The following LRP1B variants were observed in gnomAD, a reference collection of about 807,000 sequenced individuals.
LRP1B encodes LDL receptor related protein 1B.
Under a neutral mutation model 556.6 loss-of-function variants are expected in LRP1B, and 217 were observed. That is an observed-to-expected ratio of 0.39 (90% confidence interval 0.35 to 0.44). The LOEUF is 0.44. Ranked by LOEUF, LRP1B falls within the 20% of genes least tolerant of loss-of-function variation. The pLI, the probability that LRP1B is intolerant of heterozygous loss-of-function variation, is 1.00. For synonymous variants in LRP1B, 2,047 were observed against 1,865.8 expected (o/e 1.10, Z -2.50); for missense variants, 5,053 against 5,620.8 (o/e 0.90, Z 3.23).
At chr2:140,577,367 C>T (rs1681567564) in intron 43 of LRP1B, among the ~76,000 whole-genome samples, 1 of 151,924 alleles carries the variant, frequency 6.6e-6, no homozygotes. Context: ...CCTGTAGTCC[C>T]AGCTACTCGG....
chr2:141,817,618 A>T (rs1696604376), intron 1 of LRP1B, among the ~76,000 whole-genome samples: 1 of 152,098 alleles, frequency 6.6e-6, no homozygotes, highest in Admixed American at 6.5e-5. Context: ...GCTAATTTTG[A>T]TCTTTTCAGA....
chr2:141,084,315 C>T (rs372560815), intron 7 of LRP1B, among the ~76,000 whole-genome samples: 82 of 152,208 alleles, frequency 5.4e-4, no homozygotes, highest in African/African-American at 1.9e-3. Flanking sequence ...AGAAGTTTCA[C>T]CCAGTGTGCG....
At chr2:140,636,307 T>C (rs143906227) in intron 41 of LRP1B, among the ~76,000 whole-genome samples, 2,720 of 152,236 alleles carry the variant, frequency 0.018, 46 homozygotes, top group Admixed American at 0.047. Flanking sequence ...GCATGCATTA[T>C]ACAATTAATT....
At chr2:140,522,023 C>T (rs890642999) in intron 49 of LRP1B, among the ~76,000 whole-genome samples, 8 of 151,960 alleles carry the variant, frequency 5.3e-5, no homozygotes, top group African/African-American at 9.7e-5. Context: ...TGACATCATT[C>T]GGTCAATGAG....
At chr2:140,398,515 C>T (rs200402279) in intron 66 of LRP1B, among the ~76,000 whole-genome samples, 5 of 98,256 alleles carry the variant, frequency 5.1e-5, no homozygotes, top group East Asian at 4.0e-4. Context: ...CTCTTTCTTT[C>T]TCTTTTGTTG....
chr2:141,649,986 C>T (rs980826902), intron 2 of LRP1B, among the ~76,000 whole-genome samples: 1 of 152,140 alleles, frequency 6.6e-6, no homozygotes, highest in African/African-American at 2.4e-5. Context: ...TTGAGACCAG[C>T]CTGGGCAACA....
intron 2 of LRP1B, among the ~76,000 whole-genome samples, chr2:141,743,486 C>CTTTTTTTTTTTTT (rs765968445): frequency 1.7e-4 from 18 of 108,022 alleles, no homozygotes; most frequent in East Asian, 2.8e-4. Context: ...CTGCTTTTTT[C>CTTTTTTTTTTTTT]TTTTTTTTTT....
Position 141,639,391 on chromosome 2 carries a change from CACAT to C in LRP1B, c.206-158862_206-158859del, listed in dbSNP as rs35639403. 3.6e-4 allele frequency among the ~76,000 whole-genome samples: 36 copies of C among 100,892 alleles called. 1 individual carries two copies. The East Asian group carries it at 4.8e-3, about 13-fold the overall frequency. The allele number at this position is 100,892 out of a possible 152,430, so 66.2% of individuals were successfully genotyped here. A position where few individuals can be genotyped will look rare whatever the true frequency, so the allele number is the denominator to read the frequency against. ...ATATATATATACACATATATATATA[CACAT>C]ATATATATATGTGTATATATATATA... On this transcript the variant is annotated intron_variant, in intron 2 of 90. Transcript: ENST00000389484.
intron 3 of LRP1B, among the ~76,000 whole-genome samples, chr2:141,373,043 C>T (rs759786835): frequency 5.3e-5 from 8 of 152,002 alleles, no homozygotes; most frequent in Non-Finnish European, 1.0e-4. Context: ...GTTGTGTTTT[C>T]ATTTTCATTT....
intron 88 of LRP1B, among the ~76,000 whole-genome samples, chr2:140,238,870 C>A (rs182599020): frequency 1.3e-5 from 2 of 150,952 alleles, no homozygotes; most frequent in Admixed American, 1.3e-4. Flanking sequence ...AGTTATCACC[C>A]TACACTCTAT....
intron 74 of LRP1B, 116 bp from the exon 75 acceptor site, chr2:140,356,592 T>C: frequency 1.5e-6 from 1 of 681,172 alleles, no homozygotes; most frequent in Non-Finnish European, 2.5e-6. Context: ...TCTTTTTGAA[T>C]GTACAAGGTT....
intron 2 of LRP1B, among the ~76,000 whole-genome samples, chr2:141,570,561 C>T (rs185547144): frequency 7.9e-5 from 12 of 151,044 alleles, no homozygotes; most frequent in Non-Finnish European, 1.3e-4. Context: ...CTGGCTGGAG[C>T]TGTGGCTGCC....
chr2:141,722,237 G>T (rs1574283854), intron 2 of LRP1B, among the ~76,000 whole-genome samples: 1 of 152,220 alleles, frequency 6.6e-6, no homozygotes, highest in Admixed American at 6.5e-5. Context: ...AATTAGGTGG[G>T]CATGGTGGTG....
intron 7 of LRP1B, among the ~76,000 whole-genome samples, chr2:141,078,580 A>C (rs1018198604): frequency 9.3e-5 from 14 of 150,782 alleles, no homozygotes; most frequent in Non-Finnish European, 1.3e-4. Context: ...ACTGTATCTG[A>C]GGTATGTGTA....
intron 23 of LRP1B, among the ~76,000 whole-genome samples, chr2:140,892,057 T>G (rs922353007): frequency 2.6e-5 from 4 of 152,196 alleles, no homozygotes; most frequent in East Asian, 1.9e-4. Context: ...AAACCTGCAT[T>G]TCTAGGATAC....
intron 3 of LRP1B, among the ~76,000 whole-genome samples, chr2:141,417,663 G>A (rs7601678): frequency 0.98 from 149,009 of 152,248 alleles, 73,004 homozygotes; most frequent in East Asian, 1. Context: ...TTATGCTGCA[G>A]TGAACATGGG....
intron 3 of LRP1B, among the ~76,000 whole-genome samples, chr2:141,326,285 C>T (rs1166242361): frequency 6.6e-6 from 1 of 152,036 alleles, no homozygotes; most frequent in Non-Finnish European, 1.5e-5. Context: ...CAGAATTTAT[C>T]TAGATCGACA....
intron 2 of LRP1B, among the ~76,000 whole-genome samples, chr2:141,686,341 G>T (rs1195180761): frequency 6.6e-6 from 1 of 151,844 alleles, no homozygotes; most frequent in East Asian, 1.9e-4. Context: ...AAATATAAAT[G>T]TTTGGGTCAG....
chr2:141,661,799 G>A (rs1387784472), intron 2 of LRP1B, among the ~76,000 whole-genome samples: 1 of 152,118 alleles, frequency 6.6e-6, no homozygotes, highest in East Asian at 1.9e-4. Context: ...TAGCAAGACA[G>A]GCCAACATTC....
Sources: gnomAD v4.1 joint callset for allele counts (sites outside exome capture counted in the v4.1 genomes callset) on GRCh38, gnomAD v4.1.1 for gene constraint, MANE v1.5 for transcripts, NCBI Gene and HGNC (gene_info 2026-07-23, HGNC 2026-07-21) for gene names.